XPO4: variants seen among roughly 807,000 people sequenced by gnomAD.
XPO4 encodes exportin 4.
A neutral mutation model predicts 143.0 loss-of-function variants in XPO4; 39 were observed. The ratio of observed to expected loss-of-function variants is 0.27; its 90% CI spans 0.21 to 0.36. The LOEUF (loss-of-function observed/expected upper bound fraction) is 0.36. Among genes scored for constraint, XPO4 ranks in the 10% least tolerant of loss-of-function variants. The pLI is 1.00. For synonymous variants in XPO4, 439 were observed against 474.0 expected, an observed-to-expected ratio of 0.93 and a Z score of 0.96; for missense variants, 907 against 1,348.0, an observed-to-expected ratio of 0.67 and a Z score of 5.12.
At chr13:20,800,707 C>A (rs2059422332) in intron 14 of XPO4, 124 bp downstream of exon 14, 3 of 1,238,410 alleles carry the variant, frequency 2.4e-6, no homozygotes, top group Admixed American at 2.4e-5. Context: ...CTCTTCCACA[C>A]AGAAAATGTT....
intron 1 of XPO4, among the ~76,000 whole-genome samples, chr13:20,899,690 T>C (rs545659918): frequency 3.3e-5 from 5 of 152,356 alleles, no homozygotes; most frequent in East Asian, 3.9e-4. Flanking sequence ...TCTAAAATTC[T>C]ATGCTGATTT....
intron 20 of XPO4, among the ~76,000 whole-genome samples, chr13:20,788,045 TTTTG>T (rs939864799): frequency 1.5e-5 from 2 of 134,124 alleles, no homozygotes; most frequent in African/African-American, 6.2e-5. Context: ...GGTGACAGTT[TTTTG>T]TTTTTTTGTT....
chr13:20,820,374 ACG>A (rs2059703693), intron 9 of XPO4, among the ~76,000 whole-genome samples: 1 of 152,252 alleles, frequency 6.6e-6, no homozygotes, highest in South Asian at 2.1e-4. Flanking sequence ...GTTTAGGAAC[ACG>A]CTTAACTCAC....
At chr13:20,869,445 A>C (rs2060273403) in intron 1 of XPO4, 1 of 866,214 alleles carries the variant, frequency 1.2e-6, no homozygotes, top group Non-Finnish European at 1.4e-6. Flanking sequence ...TAAGACTTAC[A>C]AATACTTAAT....
At chr13:20,874,403 C>T (rs1417859344) in intron 1 of XPO4, among the ~76,000 whole-genome samples, 2 of 152,328 alleles carry the variant, frequency 1.3e-5, no homozygotes, top group Middle Eastern at 3.4e-3. Context: ...TGATTCAAAT[C>T]TGTTCGCCAA....
chr13:20,875,390 CCT>C (rs1189470980), intron 1 of XPO4, among the ~76,000 whole-genome samples: 1 of 152,130 alleles, frequency 6.6e-6, no homozygotes, highest in Non-Finnish European at 1.5e-5. Flanking sequence ...TGCCCTAATC[CCT>C]GTCTCCCTAG....
intron 2 of XPO4, among the ~76,000 whole-genome samples, chr13:20,867,022 T>A (rs1389950117): frequency 1.3e-5 from 2 of 152,212 alleles, no homozygotes; most frequent in African/African-American, 4.8e-5. Flanking sequence ...ACACAACGGT[T>A]TTCTAAATCT....
At chr13:20,798,855 A>G (rs1358857808) in intron 16 of XPO4, among the ~76,000 whole-genome samples, 2 of 152,056 alleles carry the variant, frequency 1.3e-5, no homozygotes, top group African/African-American at 2.4e-5. Context: ...GCCCGTCTCT[A>G]CTAAAAAAAA....
chr13:20,794,032 C>A (rs578022589), intron 18 of XPO4, among the ~76,000 whole-genome samples: 4 of 152,290 alleles, frequency 2.6e-5, no homozygotes, highest in African/African-American at 9.6e-5. Context: ...CACAGCTCCA[C>A]AATCATTTCT....
At chr13:20,791,311 C>T (rs1430400973) in intron 18 of XPO4, among the ~76,000 whole-genome samples, 2 of 152,054 alleles carry the variant, frequency 1.3e-5, no homozygotes, top group Non-Finnish European at 2.9e-5. Flanking sequence ...ATTTCATTGC[C>T]AGTAAGGATG....
chr13:20,844,562 C>T (rs1466780827), intron 4 of XPO4, among the ~76,000 whole-genome samples: 1 of 152,102 alleles, frequency 6.6e-6, no homozygotes. Flanking sequence ...AGGAGTTAAA[C>T]AGAAATATGC....
intron 13 of XPO4, 64 bp downstream of exon 13, chr13:20,807,393 A>G: frequency 6.7e-7 from 1 of 1,499,268 alleles, no homozygotes; most frequent in Non-Finnish European, 9.0e-7. Flanking sequence ...TCATCTACCC[A>G]TCAACTCAGA....
chr13:20,834,943 G>A (rs1196153709), intron 6 of XPO4, among the ~76,000 whole-genome samples: 2 of 152,164 alleles, frequency 1.3e-5, no homozygotes, highest in South Asian at 2.1e-4. Context: ...CTGGGTGACA[G>A]AGCAAGACCC....
intron 1 of XPO4, among the ~76,000 whole-genome samples, chr13:20,881,530 A>C (rs1192267812): frequency 6.6e-6 from 1 of 152,094 alleles, no homozygotes; most frequent in Non-Finnish European, 1.5e-5. Flanking sequence ...TCAGCCTCCC[A>C]AAGTGCTGGA....
intron 1 of XPO4, among the ~76,000 whole-genome samples, chr13:20,897,724 T>A (rs2060583165): frequency 6.6e-6 from 1 of 152,220 alleles, no homozygotes; most frequent in South Asian, 2.1e-4. Flanking sequence ...ATTTGCCATC[T>A]CTGAATATCA....
intron 9 of XPO4, among the ~76,000 whole-genome samples, chr13:20,816,729 G>A (rs1376037603): frequency 7.9e-5 from 12 of 152,216 alleles, no homozygotes; most frequent in African/African-American, 2.9e-4. Flanking sequence ...TAAACAATCA[G>A]AGCTGACTCA....
intron 1 of XPO4, among the ~76,000 whole-genome samples, chr13:20,896,317 T>C (rs571576851): frequency 1.1e-4 from 17 of 152,320 alleles, no homozygotes; most frequent in Middle Eastern, 3.4e-3. Context: ...TTATATTCAA[T>C]TTAGAGATGA....
intron 9 of XPO4, among the ~76,000 whole-genome samples, chr13:20,819,665 A>G (rs577872733): frequency 2.8e-4 from 43 of 152,292 alleles, no homozygotes; most frequent in Non-Finnish European, 4.4e-4. Context: ...ATCTCAAAAA[A>G]AAAAAGATCA....
chr13:20,855,550 T>C, intron 4 of XPO4, 77 bp downstream of exon 4: 4 of 1,299,206 alleles, frequency 3.1e-6, no homozygotes, highest in South Asian at 4.1e-5. Flanking sequence ...TAGATATCCA[T>C]TACTCTTGCT....
Sources: gnomAD v4.1 joint callset for allele counts (sites outside exome capture counted in the v4.1 genomes callset) on GRCh38, gnomAD v4.1.1 for gene constraint, MANE v1.5 for transcripts, NCBI Gene and HGNC (gene_info 2026-07-23, HGNC 2026-07-21) for gene names.